The following MIPOL1 variants were observed in gnomAD, a reference collection of about 807,000 sequenced individuals.
MIPOL1 encodes the protein mirror-image polydactyly 1, also known as mirror-image polydactyly gene 1 protein.
MIPOL1 carries 57 observed loss-of-function variants against 60.9 expected under a neutral mutation model. The observed-to-expected ratio is 0.94, with a 90% CI of 0.76 to 1.17. MIPOL1 has a LOEUF of 1.17. MIPOL1 is among the 50% of genes most tolerant of loss of function. MIPOL1 has a pLI of 0.00. For missense variants in MIPOL1, 551 were observed against 511.6 expected (o/e 1.08, Z -0.74); for synonymous variants, 179 against 168.8 (o/e 1.06, Z -0.47).
In MIPOL1 at chr14:37,200,850, ATGTGTGTGTGTG is replaced by A. The variant is rs56965903; in HGVS notation, c.-199+2784_-199+2795del. ...TAGATCCATAATACTATATCTATCT[ATGTGTGTGTGTG>A]TGTGTGTGTGTGTGTGTGTGTGTGT... is the stretch of plus-strand genomic sequence containing the variant. On this transcript the variant is annotated intron_variant, in intron 1 of 12. Transcript: ENST00000684589. Among the ~76,000 whole-genome samples the A allele has an allele frequency of 3.9e-3, 342 of 87,024 alleles. 2 individuals carry two copies. Among genetic ancestry groups the A allele is most frequent in the African/African-American group, 6.1e-3 (121 of 19,830 alleles). 57.1% of individuals were successfully genotyped at this position (87,024 alleles called of 152,430 possible).
intron 3 of MIPOL1, among the ~76,000 whole-genome samples, chr14:37,256,974 A>G (rs1017434487): frequency 4.6e-5 from 7 of 151,950 alleles, no homozygotes; most frequent in African/African-American, 1.4e-4. Flanking sequence ...CAAGGGGCTG[A>G]TGATGCTGTA....
chr14:37,345,590 A>C (rs1463526492), intron 9 of MIPOL1, among the ~76,000 whole-genome samples: 2 of 152,150 alleles, frequency 1.3e-5, no homozygotes, highest in African/African-American at 4.8e-5. Context: ...CTATGACTAA[A>C]TGTTCCCAGA....
rs762009358 is a variant in MIPOL1, at chr14:37,499,992, CAGAG to C, written c.1120_1123del (p.Glu374ThrfsTer21). On this transcript the variant is annotated frameshift_variant, in exon 12 of 13. Transcript: ENST00000684589. LOFTEE classifies it high-confidence loss of function. Reference sequence around the variant, plus strand: ...GTACATATGAAGAAGCTTTAAAAAACAGAGAGAACATTGTTTCCATCACTCAACA... The same window carrying C: ...GTACATATGAAGAAGCTTTAAAAAACAGAACATTGTTTCCATCACTCAACA... The C allele has an allele frequency of 2.5e-4, 396 of 1,613,188 alleles. No homozygotes were observed. The highest frequency in any genetic ancestry group is 3.0e-4 in the Non-Finnish European group (353 of 1,179,416).
At position 37,457,545 on chromosome 14, in the gene MIPOL1, T is replaced by G. The variant is rs183630350; in HGVS notation, c.1031+34596T>G. Among the ~76,000 whole-genome samples, 17 of 152,318 alleles carry G rather than the reference T, an allele frequency of 1.1e-4. No individual in the cohort carries two copies. In the East Asian group the frequency reaches 2.9e-3, roughly 26 times the overall value. On this transcript the variant is annotated intron_variant, in intron 11 of 12. Coordinates refer to ENST00000684589, the MANE Select transcript of MIPOL1 (RefSeq NM_001388067.1). ...ACCTTACTCTACAAGTTGGTACTTG[T>G]GCTCTACTCTGCAAGTTTCTATTTA...
At chr14:37,341,142 C>T (rs2153462346) in intron 9 of MIPOL1, among the ~76,000 whole-genome samples, 1 of 152,232 alleles carries the variant, frequency 6.6e-6, no homozygotes, top group South Asian at 2.1e-4. Context: ...TAATGTATCT[C>T]CATTGTTAAG....
At chr14:37,456,884 A>G (rs2153578902) in intron 11 of MIPOL1, among the ~76,000 whole-genome samples, 1 of 152,176 alleles carries the variant, frequency 6.6e-6, no homozygotes, top group South Asian at 2.1e-4. Context: ...ACATATGAAA[A>G]CTCACTCTAC....
chr14:37,204,529 G>C (rs1965784818), intron 1 of MIPOL1, among the ~76,000 whole-genome samples: 1 of 152,088 alleles, frequency 6.6e-6, no homozygotes. Flanking sequence ...TCCATGAGAT[G>C]TGATGGTTTT....
chr14:37,246,667 C>T (rs762405147), intron 1 of MIPOL1, among the ~76,000 whole-genome samples: 9 of 152,050 alleles, frequency 5.9e-5, no homozygotes, highest in Non-Finnish European at 8.8e-5. Flanking sequence ...TAAATCATTC[C>T]AATCATTTAA....
chr14:37,249,984 T>C (rs1452367941), intron 3 of MIPOL1, among the ~76,000 whole-genome samples: 1 of 152,114 alleles, frequency 6.6e-6, no homozygotes, highest in Non-Finnish European at 1.5e-5. Flanking sequence ...GTAGAGGAAG[T>C]ACTACTGATA....
intron 7 of MIPOL1, 112 bp downstream of exon 7, chr14:37,285,559 A>T: frequency 9.7e-7 from 1 of 1,027,422 alleles, no homozygotes; most frequent in Non-Finnish European, 1.4e-6. Flanking sequence ...TTACACTAGG[A>T]AATTGCATGT....
intron 10 of MIPOL1, among the ~76,000 whole-genome samples, chr14:37,381,481 A>G (rs538880664): frequency 6.6e-6 from 1 of 152,038 alleles, no homozygotes; most frequent in South Asian, 2.1e-4. Flanking sequence ...CAGGTTAGGT[A>G]ATAAATATAG....
chr14:37,489,995 T>C (rs1364689218), intron 11 of MIPOL1, among the ~76,000 whole-genome samples: 1 of 152,220 alleles, frequency 6.6e-6, no homozygotes, highest in Non-Finnish European at 1.5e-5. Flanking sequence ...CGAGATCTGC[T>C]GGTCTCTTCA....
chr14:37,313,731 A>G (rs755839247), intron 9 of MIPOL1, among the ~76,000 whole-genome samples: 24 of 152,184 alleles, frequency 1.6e-4, no homozygotes, highest in Non-Finnish European at 3.1e-4. Flanking sequence ...TGACTCTTCA[A>G]TGAATTTCAT....
At chr14:37,228,325 CTT>C (rs397961053) in intron 1 of MIPOL1, among the ~76,000 whole-genome samples, 2,391 of 105,198 alleles carry the variant, frequency 0.023, 83 homozygotes, top group African/African-American at 0.076. Context: ...TCTTTCTTTT[CTT>C]TTTTTTTTTT....
chr14:37,306,505 T>G (rs1407913798), intron 7 of MIPOL1, among the ~76,000 whole-genome samples: 1 of 151,884 alleles, frequency 6.6e-6, no homozygotes, highest in Non-Finnish European at 1.5e-5. Context: ...AGCATTTTAA[T>G]TGGATTTTAT....
At chr14:37,531,083 G>T (rs1398216718) in intron 12 of MIPOL1, among the ~76,000 whole-genome samples, 18 of 152,120 alleles carry the variant, frequency 1.2e-4, no homozygotes, top group Admixed American at 1.1e-3. Context: ...CCCACAAAGT[G>T]CTGGGATTAC....
At chr14:37,384,018 C>T (rs1414827805) in intron 10 of MIPOL1, among the ~76,000 whole-genome samples, 1 of 151,778 alleles carries the variant, frequency 6.6e-6, no homozygotes, top group Admixed American at 6.6e-5. Context: ...CCAACAAAAG[C>T]AAGGAAATTA....
At chr14:37,531,079 A>C (rs1289379921) in intron 12 of MIPOL1, among the ~76,000 whole-genome samples, 1 of 152,132 alleles carries the variant, frequency 6.6e-6, no homozygotes, top group East Asian at 1.9e-4. Flanking sequence ...CGGCCCCACA[A>C]AGTGCTGGGA....
intron 10 of MIPOL1, among the ~76,000 whole-genome samples, chr14:37,412,048 T>A (rs2093689416): frequency 6.6e-6 from 1 of 152,148 alleles, no homozygotes; most frequent in Admixed American, 6.5e-5. Flanking sequence ...TTCAGAAGCC[T>A]TAACTTGTTC....
Sources: allele counts gnomAD v4.1 joint callset (sites outside exome capture counted in the v4.1 genomes callset), GRCh38; gene constraint gnomAD v4.1.1; transcripts MANE v1.5; gene names NCBI Gene and HGNC (gene_info 2026-07-23, HGNC 2026-07-21).